RBFOX3: variants seen among roughly 807,000 people sequenced by gnomAD.
RBFOX3 encodes the protein RNA binding protein fox-1 homolog 3.
RBFOX3 carries 17 observed loss-of-function variants against 48.7 expected under a neutral mutation model. The observed-to-expected ratio is 0.35, with a 90% CI of 0.24 to 0.52. RBFOX3 has a LOEUF of 0.52. Ranked by LOEUF, RBFOX3 falls within the 20% of genes least tolerant of loss-of-function variation. The pLI, the probability that RBFOX3 is intolerant of heterozygous loss-of-function variation, is 0.94. For missense variants in RBFOX3, 382 were observed against 497.5 expected (o/e 0.77, Z 2.21); for synonymous variants, 212 against 209.5 (o/e 1.01, Z -0.10).
At chr17:79,614,850 A>T (rs2093987921), upstream of RBFOX3, among the ~76,000 whole-genome samples, 1 of 152,144 alleles carries the variant, frequency 6.6e-6, no homozygotes, top group African/African-American at 2.4e-5. Flanking sequence ...AGGGGATGAA[A>T]AAAAACTAGA....
At chr17:79,553,324 G>A (rs2143722034) in intron 1 of RBFOX3, among the ~76,000 whole-genome samples, 1 of 152,256 alleles carries the variant, frequency 6.6e-6, no homozygotes, top group African/African-American at 2.4e-5. Flanking sequence ...TAAACTCCAA[G>A]TAAACACAGG....
intron 4 of RBFOX3, among the ~76,000 whole-genome samples, chr17:79,186,483 G>A (rs2053430540): frequency 6.6e-6 from 1 of 152,140 alleles, no homozygotes; most frequent in African/African-American, 2.4e-5. Context: ...CACCAGGGCG[G>A]TACGAAGCTT....
intron 4 of RBFOX3, among the ~76,000 whole-genome samples, chr17:79,163,426 G>A (rs118095713): frequency 2.1e-3 from 314 of 152,374 alleles, no homozygotes; most frequent in Non-Finnish European, 3.7e-3. Context: ...TGGTGGGGCA[G>A]AGTGGAGAGG....
rs935323714 is a variant in RBFOX3, at chr17:79,482,167, C to T, written c.-175+287G>A. ...ACACCAGACAGTGGACCCCACACCC[C>T]GCCCACCCTCCTTCCAGGACTAACT... is the stretch of plus-strand genomic sequence containing the variant. On this transcript the variant is annotated intron_variant, in intron 2 of 14. Transcript: ENST00000693108. The surrounding 1 kb of genome is among the most constrained non-coding windows in gnomAD (Gnocchi z 4.1). 2.6e-5 allele frequency among the ~76,000 whole-genome samples: 4 copies of T among 152,118 alleles called. No homozygotes were observed. The highest frequency in any genetic ancestry group is 2.1e-4 in the South Asian group (1 of 4,822).
At chr17:79,514,633 A>G (rs1433463951) in intron 1 of RBFOX3, among the ~76,000 whole-genome samples, 2 of 151,592 alleles carry the variant, frequency 1.3e-5, no homozygotes. Flanking sequence ...CTGCCACCAC[A>G]CCCCTAGTGT....
At chr17:79,396,448 C>T (rs929237910) in intron 2 of RBFOX3, among the ~76,000 whole-genome samples, 2 of 152,322 alleles carry the variant, frequency 1.3e-5, no homozygotes, top group East Asian at 1.9e-4. Flanking sequence ...TGAAATAAAC[C>T]TCTGTCTTCT....
intron 2 of RBFOX3, among the ~76,000 whole-genome samples, chr17:79,410,838 C>T (rs890986796): frequency 2.0e-5 from 3 of 152,066 alleles, no homozygotes; most frequent in African/African-American, 2.4e-5. Flanking sequence ...GCTTGACTGC[C>T]GGCCCCAGGA....
intron 2 of RBFOX3, among the ~76,000 whole-genome samples, chr17:79,467,938 G>T (rs1469447183): frequency 6.6e-6 from 1 of 151,940 alleles, no homozygotes; most frequent in East Asian, 1.9e-4. Context: ...CTGTCTCCCT[G>T]CAAGGTGCCA....
the RBFOX3 span, among the ~76,000 whole-genome samples, chr17:79,626,775 G>A: frequency 3.3e-5 from 5 of 152,212 alleles, no homozygotes; most frequent in South Asian, 2.1e-4. Flanking sequence ...CATGTGGGCC[G>A]ACACCCTTAG....
chr17:79,113,683 C>A (rs1375740141), intron 5 of RBFOX3, among the ~76,000 whole-genome samples: 3 of 152,158 alleles, frequency 2.0e-5, no homozygotes, highest in Non-Finnish European at 4.4e-5. Context: ...GCTGCTCACT[C>A]GGGGATTCTC....
chr17:79,161,837 C>T (rs1351194788), intron 4 of RBFOX3, among the ~76,000 whole-genome samples: 2 of 152,212 alleles, frequency 1.3e-5, no homozygotes, highest in Non-Finnish European at 2.9e-5. Flanking sequence ...TCTTGATCCG[C>T]CTGCCTCAGC....
intron 3 of RBFOX3, among the ~76,000 whole-genome samples, chr17:79,262,813 A>T (rs1402756298): frequency 1.3e-5 from 2 of 152,236 alleles, no homozygotes; most frequent in South Asian, 2.1e-4. Context: ...ACCAACCCAT[A>T]TGCCTTCAGC....
chr17:79,324,136 C>G (rs2078963990), intron 2 of RBFOX3, among the ~76,000 whole-genome samples: 1 of 152,070 alleles, frequency 6.6e-6, no homozygotes, highest in East Asian at 1.9e-4. Flanking sequence ...CTGGGGACTG[C>G]CACCCTCTCA....
intron 3 of RBFOX3, among the ~76,000 whole-genome samples, chr17:79,286,669 G>A (rs2071973291): frequency 6.6e-6 from 1 of 152,140 alleles, no homozygotes; most frequent in African/African-American, 2.4e-5. Context: ...CCCCCTACTG[G>A]GCTGATTCCG....
At chr17:79,551,690 T>G (rs1461738053) in intron 1 of RBFOX3, among the ~76,000 whole-genome samples, 1 of 152,184 alleles carries the variant, frequency 6.6e-6, no homozygotes, top group Non-Finnish European at 1.5e-5. Flanking sequence ...GTTCTTGCTC[T>G]GTGAGTTCAC....
chr17:79,493,900 A>G (rs1466479080), intron 1 of RBFOX3, among the ~76,000 whole-genome samples: 3 of 152,112 alleles, frequency 2.0e-5, no homozygotes, highest in Non-Finnish European at 4.4e-5. Context: ...CTGGAGGAAA[A>G]CATAGCTGGG....
At chr17:79,437,699 C>A (rs782778906) in intron 2 of RBFOX3, among the ~76,000 whole-genome samples, 14 of 152,228 alleles carry the variant, frequency 9.2e-5, no homozygotes, top group Non-Finnish European at 1.9e-4. Flanking sequence ...TCCCAAATGC[C>A]AGGCTCCCCA....
At chr17:79,458,976 G>T (rs1555746943) in intron 2 of RBFOX3, among the ~76,000 whole-genome samples, 1 of 152,218 alleles carries the variant, frequency 6.6e-6, no homozygotes, top group African/African-American at 2.4e-5. Context: ...TGCAGAATGT[G>T]AAGCGCGGCC....
chr17:79,313,150 G>A (rs539330148), intron 2 of RBFOX3, among the ~76,000 whole-genome samples: 1 of 152,316 alleles, frequency 6.6e-6, no homozygotes, highest in South Asian at 2.1e-4. Context: ...TTCCCCATCT[G>A]TAATGTGAAC....
Sources: allele counts gnomAD v4.1 joint callset (sites outside exome capture counted in the v4.1 genomes callset), GRCh38; gene constraint gnomAD v4.1.1; non-coding constraint Gnocchi (gnomAD v3.1); transcripts MANE v1.5; gene names NCBI Gene and HGNC (gene_info 2026-07-23, HGNC 2026-07-21).